SLC75A1: variants seen among roughly 807,000 people sequenced by gnomAD.
SLC75A1 encodes major facilitator superfamily domain containing 10.
chr4:2,930,714 AGG>A, the SLC75A1 span: 49 of 1,074,484 alleles, frequency 4.6e-5, no homozygotes, highest in Non-Finnish European at 6.1e-5. Flanking sequence ...CTTCCTGCTT[AGG>A]GGCCGGCCCC....
the SLC75A1 span, chr4:2,934,039 G>A: frequency 1.7e-6 from 2 of 1,164,640 alleles, no homozygotes; most frequent in East Asian, 2.6e-5. Flanking sequence ...CACCCTAAAG[G>A]GGCTGATGGC....
the SLC75A1 span, chr4:2,931,576 C>T: frequency 1.5e-3 from 2,447 of 1,612,938 alleles, 6 homozygotes; most frequent in Non-Finnish European, 1.9e-3. Context: ...CAGCAACTTC[C>T]CCGCCAGGGT....
the SLC75A1 span, chr4:2,932,211 A>C: frequency 6.4e-7 from 1 of 1,558,506 alleles, no homozygotes; most frequent in Non-Finnish European, 8.7e-7. Context: ...CAACCCACGG[A>C]CTGTGGCCTC....
the SLC75A1 span, chr4:2,932,103 G>C: frequency 1.1e-4 from 185 of 1,610,622 alleles, no homozygotes; most frequent in Non-Finnish European, 1.2e-4. Context: ...GCAGGGCCAG[G>C]GGGCTGAGCA....
chr4:2,930,730 C>G, the SLC75A1 span: 1 of 1,321,868 alleles, frequency 7.6e-7, no homozygotes, highest in Non-Finnish European at 1.0e-6. Flanking sequence ...CGGCCCCCAC[C>G]CACAGGGTCT....
the SLC75A1 span, chr4:2,931,381 A>C: frequency 6.5e-7 from 1 of 1,549,044 alleles, no homozygotes; most frequent in Non-Finnish European, 8.7e-7. Flanking sequence ...TCACCAAAGG[A>C]GTAGAGCAGC....
the SLC75A1 span, chr4:2,931,340 C>T: frequency 6.5e-7 from 1 of 1,542,864 alleles, no homozygotes; most frequent in South Asian, 1.2e-5. Context: ...GCCCCTGCTG[C>T]CCATCGGATC....
the SLC75A1 span, chr4:2,933,548 G>A: frequency 6.2e-7 from 1 of 1,613,080 alleles, no homozygotes; most frequent in Non-Finnish European, 8.5e-7. Flanking sequence ...GCCCGCCAAG[G>A]GCACAGAGCC....
chr4:2,933,716 G>C, the SLC75A1 span: 35 of 1,608,302 alleles, frequency 2.2e-5, no homozygotes, highest in Middle Eastern at 1.6e-4. Context: ...GGGCCTGGGG[G>C]GCAGGGGGCA....
the SLC75A1 span, chr4:2,932,451 A>T: frequency 6.2e-7 from 1 of 1,613,764 alleles, no homozygotes; most frequent in Non-Finnish European, 8.5e-7. Flanking sequence ...TTCCAGGGGC[A>T]GGGAGGCTCC....
chr4:2,931,342 C>T, the SLC75A1 span: 5 of 1,543,604 alleles, frequency 3.2e-6, no homozygotes, highest in African/African-American at 4.1e-5. Flanking sequence ...CCCTGCTGCC[C>T]ATCGGATCCC....
chr4:2,933,998 TG>T, the SLC75A1 span: 1 of 1,459,336 alleles, frequency 6.9e-7, no homozygotes, highest in African/African-American at 1.4e-5. Flanking sequence ...CTCCGGGGCC[TG>T]GCATACCCCC....
the SLC75A1 span, chr4:2,934,156 C>T: frequency 1.7e-6 from 1 of 591,110 alleles, no homozygotes; most frequent in East Asian, 2.8e-5. Flanking sequence ...CAAAAAATAG[C>T]CGCAAAGGCA....
chr4:2,932,204 C>T, the SLC75A1 span: 1 of 1,562,458 alleles, frequency 6.4e-7, no homozygotes, highest in Non-Finnish European at 8.7e-7. Flanking sequence ...GGCCTGGCAA[C>T]CCACGGACTG....
the SLC75A1 span, chr4:2,932,953 C>A: frequency 9.7e-7 from 1 of 1,029,220 alleles, no homozygotes. Flanking sequence ...ACAGGAGCCA[C>A]TGGTCCCCCG....
the SLC75A1 span, chr4:2,933,473 C>G: frequency 7.2e-7 from 1 of 1,380,148 alleles, no homozygotes; most frequent in Non-Finnish European, 1.0e-6. Flanking sequence ...AGTGGGAAGG[C>G]AAGGACCGAG....
At chr4:2,933,433 G>A in the SLC75A1 span, 4 of 1,036,080 alleles carry the variant, frequency 3.9e-6, no homozygotes, top group South Asian at 4.3e-5. Context: ...AGGACATGTG[G>A]GCAAGGGCAC....
chr4:2,933,438 G>A, the SLC75A1 span: 2 of 1,067,440 alleles, frequency 1.9e-6, no homozygotes, highest in Admixed American at 2.0e-5. Flanking sequence ...ATGTGGGCAA[G>A]GGCACCAGAC....
At chr4:2,931,149 G>A in the SLC75A1 span, 2 of 1,563,236 alleles carry the variant, frequency 1.3e-6, no homozygotes, top group Non-Finnish European at 1.7e-6. Flanking sequence ...GCCCTGGTGA[G>A]CCTGTGGGAA....
Sources: allele counts gnomAD v4.1 joint callset, GRCh38; gene constraint gnomAD v4.1.1; transcripts MANE v1.5; gene names NCBI Gene and HGNC (gene_info 2026-07-23, HGNC 2026-07-21).